TBC1D19: variants seen among roughly 807,000 people sequenced by gnomAD.
TBC1D19 encodes the protein TBC1 domain family, member 19.
TBC1D19 carries 60 observed loss-of-function variants against 89.0 expected under a neutral mutation model. The ratio of observed to expected loss-of-function variants is 0.67; its 90% CI spans 0.55 to 0.84. The LOEUF (loss-of-function observed/expected upper bound fraction) is 0.84, where lower values mean the gene tolerates loss of function less well. Ranked by LOEUF, TBC1D19 falls within the 40% of genes least tolerant of loss-of-function variation. TBC1D19 has a pLI of 0.00. For synonymous variants in TBC1D19, 189 were observed against 199.7 expected, an observed-to-expected ratio of 0.95 and a Z score of 0.45; for missense variants, 500 against 610.8, an observed-to-expected ratio of 0.82 and a Z score of 1.91.
intron 7 of TBC1D19, among the ~76,000 whole-genome samples, chr4:26,652,783 G>A (rs532690290): frequency 6.6e-5 from 10 of 151,952 alleles, no homozygotes; most frequent in Admixed American, 2.0e-4. Flanking sequence ...TCTTGCTAGC[G>A]GTCTATCAAT....
chr4:26,839,668 A>T, the TBC1D19 span, among the ~76,000 whole-genome samples: 1 of 151,790 alleles, frequency 6.6e-6, no homozygotes, highest in Non-Finnish European at 1.5e-5. Flanking sequence ...TTATCCGCCC[A>T]CTGCCATCTG....
Position 26,681,674 on chromosome 4 carries a change from C to T in TBC1D19, c.817-2001C>T, listed in dbSNP as rs187662497. 1.1e-4 allele frequency among the ~76,000 whole-genome samples: 16 copies of T among 152,224 alleles called. No homozygotes were observed. The East Asian group carries it at 2.9e-3, about 28-fold the overall frequency. Reference sequence around the variant, plus strand: ...AACATTATTTGTAGGGACAAACAACCTGAGTATCCATCTATAGGGATATGA... The same window carrying T: ...AACATTATTTGTAGGGACAAACAACTTGAGTATCCATCTATAGGGATATGA... On this transcript the variant is annotated intron_variant, in intron 11 of 20. Transcript: ENST00000264866.
the TBC1D19 span, among the ~76,000 whole-genome samples, chr4:26,823,448 C>T: frequency 6.6e-6 from 1 of 152,138 alleles, no homozygotes; most frequent in Non-Finnish European, 1.5e-5. Flanking sequence ...GTGACAATAA[C>T]AGTGTTTCTG....
chr4:26,666,382 A>G lies in TBC1D19; in HGVS notation c.641A>G (p.Asp214Gly). 2 of 1,610,684 alleles carry G rather than the reference A, an allele frequency of 1.2e-6. No individual in the cohort carries two copies. The highest frequency in any genetic ancestry group is 1.7e-6 in the Non-Finnish European group (2 of 1,178,022). The change falls in exon 9 of 21, where the codon GAT becomes GGT. Residue 214 changes from aspartate to glycine, a missense_variant. Asp to Gly is a moderately conservative substitution (Grantham distance 94). Coordinates refer to ENST00000264866, the MANE Select transcript of TBC1D19 (RefSeq NM_018317.4). ...TTAAATATAGGACAACTGGGTATAG[A>G]TGATTCTACACAAGTGCCTCCTGGT... The part of the protein sequence containing the change: ...LGLNIGQLGI[D>G]DSTQVPPELF...
At chr4:26,708,904 G>A (rs1043135509) in intron 13 of TBC1D19, among the ~76,000 whole-genome samples, 9 of 150,300 alleles carry the variant, frequency 6.0e-5, no homozygotes, top group African/African-American at 2.2e-4. Context: ...TTAGTTTTTT[G>A]AGAATCTATG....
the TBC1D19 span, among the ~76,000 whole-genome samples, chr4:26,805,456 T>C: frequency 6.6e-6 from 1 of 152,166 alleles, no homozygotes; most frequent in Non-Finnish European, 1.5e-5. Flanking sequence ...TGCCTAACAG[T>C]CTTAGTCCTT....
Position 26,620,607 on chromosome 4 carries a change from T to C in TBC1D19, c.219-6T>C, listed in dbSNP as rs73813804. 2,834 of 1,613,018 alleles carry C rather than the reference T, an allele frequency of 1.8e-3. 39 individuals are homozygous for C. The African/African-American group carries it at 0.033, about 19-fold the overall frequency. On this transcript the variant is annotated splice_polypyrimidine_tract_variant and splice_region_variant and intron_variant, in intron 3 of 20. Coordinates refer to ENST00000264866, the MANE Select transcript of TBC1D19 (RefSeq NM_018317.4). ...GTGATATTTAGCTGCCTCTTTTTGC[T>C]CCTAGGTTTCCTTTACCTAGTCATC... is the stretch of plus-strand genomic sequence containing the variant.
chr4:26,817,978 A>AT, the TBC1D19 span, among the ~76,000 whole-genome samples: 380 of 112,418 alleles, frequency 3.4e-3, 5 homozygotes, highest in East Asian at 0.054. Flanking sequence ...TAAAAAAAAA[A>AT]AAAATATATA....
chr4:26,796,370 G>C, the TBC1D19 span, among the ~76,000 whole-genome samples: 1 of 152,142 alleles, frequency 6.6e-6, no homozygotes, highest in East Asian at 1.9e-4. Flanking sequence ...GATTGCTGCT[G>C]ATATAAGAGG....
chr4:26,854,970 G>A, the TBC1D19 span, among the ~76,000 whole-genome samples: 2 of 152,176 alleles, frequency 1.3e-5, no homozygotes, highest in Non-Finnish European at 2.9e-5. Flanking sequence ...TGACTGATGG[G>A]AGCCAAAAGT....
chr4:26,697,726 A>G (rs565436622), intron 13 of TBC1D19, among the ~76,000 whole-genome samples: 2 of 152,290 alleles, frequency 1.3e-5, no homozygotes, highest in African/African-American at 4.8e-5. Flanking sequence ...TCAATAAACC[A>G]AATCCAGCAT....
chr4:26,729,830 G>C (rs779575858), intron 15 of TBC1D19, among the ~76,000 whole-genome samples: 8 of 152,038 alleles, frequency 5.3e-5, no homozygotes, highest in Non-Finnish European at 1.0e-4. Context: ...ATAAATACAG[G>C]GACAATGTCA....
the TBC1D19 span, among the ~76,000 whole-genome samples, chr4:26,769,801 G>A: frequency 2.6e-5 from 4 of 152,026 alleles, no homozygotes; most frequent in Admixed American, 1.3e-4. Context: ...ACCCTCCTCA[G>A]CCTCCAGAAG....
At chr4:26,753,609 G>A (rs1362954861) in intron 19 of TBC1D19, among the ~76,000 whole-genome samples, 3 of 152,114 alleles carry the variant, frequency 2.0e-5, no homozygotes, top group Non-Finnish European at 4.4e-5. Context: ...CAAAACTGTG[G>A]TATTCAGTTT....
chr4:26,811,757 G>C, the TBC1D19 span, among the ~76,000 whole-genome samples: 120 of 152,314 alleles, frequency 7.9e-4, no homozygotes, highest in South Asian at 6.2e-3. Context: ...TAGACCATAT[G>C]AGGTAACTTC....
intron 13 of TBC1D19, among the ~76,000 whole-genome samples, chr4:26,697,688 G>T (rs1714929578): frequency 6.6e-6 from 1 of 152,154 alleles, no homozygotes; most frequent in South Asian, 2.1e-4. Flanking sequence ...TCATCCCTGG[G>T]ATGCAAGACT....
At chr4:26,729,117 G>A (rs1717502162) in intron 15 of TBC1D19, among the ~76,000 whole-genome samples, 1 of 152,200 alleles carries the variant, frequency 6.6e-6, no homozygotes, top group Admixed American at 6.5e-5. Flanking sequence ...AGACTTAATT[G>A]TTAACATCTA....
At chr4:26,858,689 G>A in the TBC1D19 span, 1 of 152,220 alleles carries the variant, frequency 6.6e-6, no homozygotes, top group Non-Finnish European at 1.5e-5. Context: ...TTTAACAGCT[G>A]GAAAGTTCTA....
At chr4:26,808,727 CA>C in the TBC1D19 span, among the ~76,000 whole-genome samples, 93 of 95,078 alleles carry the variant, frequency 9.8e-4, no homozygotes, top group South Asian at 1.5e-3. Flanking sequence ...GACTCTGTCT[CA>C]AAAAAAAAAA....
Sources: allele counts gnomAD v4.1 joint callset (sites outside exome capture counted in the v4.1 genomes callset), GRCh38; gene constraint gnomAD v4.1.1; transcripts MANE v1.5; gene names NCBI Gene and HGNC (gene_info 2026-07-23, HGNC 2026-07-21).